Variants in XKR4 observed in about 807,000 individuals in gnomAD.
XKR4 encodes the protein XK related 4, also known as XK-related protein 4.
A neutral mutation model predicts 53.9 loss-of-function variants in XKR4; 12 were observed. The observed-to-expected ratio is 0.22, with a 90% CI of 0.14 to 0.36. XKR4 has a LOEUF of 0.36. XKR4 is among the 10% of genes least tolerant of loss of function. The pLI is 1.00. For synonymous variants in XKR4, 354 were observed against 362.4 expected (o/e 0.98, Z 0.26); for missense variants, 799 against 859.5 (o/e 0.93, Z 0.88).
chr8:55,487,851 T>A (rs1806217016), intron 2 of XKR4, among the ~76,000 whole-genome samples: 2 of 152,140 alleles, frequency 1.3e-5, no homozygotes, highest in African/African-American at 4.8e-5. Context: ...CTACACATTG[T>A]CTTAAAACAT....
chr8:55,134,952 T>G (rs1423135003), intron 1 of XKR4, among the ~76,000 whole-genome samples: 5 of 3,160 alleles, frequency 1.6e-3, no homozygotes, highest in Non-Finnish European at 2.7e-3. Flanking sequence ...AGAAGCTGGA[T>G]TTTTTTTTTT....
intron 2 of XKR4, among the ~76,000 whole-genome samples, chr8:55,518,462 C>T (rs1192286747): frequency 6.6e-6 from 1 of 152,062 alleles, no homozygotes; most frequent in African/African-American, 2.4e-5. Context: ...GAAAGATAAA[C>T]AAGTATTTAT....
chr8:55,373,886 C>A (rs1804110658), intron 2 of XKR4, among the ~76,000 whole-genome samples: 1 of 151,902 alleles, frequency 6.6e-6, no homozygotes, highest in Admixed American at 6.6e-5. Context: ...AGTTTGATAG[C>A]AAAGGGAGTG....
intron 1 of XKR4, among the ~76,000 whole-genome samples, chr8:55,186,980 A>C (rs1817387808): frequency 6.7e-6 from 1 of 149,632 alleles, no homozygotes; most frequent in Admixed American, 6.7e-5. Flanking sequence ...TAGTTGCGCT[A>C]TTTTTTTTTT....
intron 2 of XKR4, among the ~76,000 whole-genome samples, chr8:55,430,627 G>C (rs2129393494): frequency 6.6e-6 from 1 of 152,310 alleles, no homozygotes; most frequent in Non-Finnish European, 1.5e-5. Flanking sequence ...AGCTTTGTAA[G>C]AGGTCACTAT....
Position 55,294,156 on chromosome 8 carries a change from C to A in XKR4, c.807-63522C>A, listed in dbSNP as rs544166533. Among the ~76,000 whole-genome samples the A allele has an allele frequency of 3.9e-5, 6 of 152,276 alleles. No individual in the cohort carries two copies. In the South Asian group the frequency reaches 1.2e-3, roughly 32 times the overall value. ...GATTTTACAATTCTGATAATTGTCT[C>A]CTACCTCACGATTTGTTCATTTCTG... On this transcript the variant is annotated intron_variant, in intron 1 of 2. Coordinates refer to ENST00000327381, the MANE Select transcript of XKR4 (RefSeq NM_052898.2).
chr8:55,524,566 G>A lies in XKR4; in HGVS notation c.*339G>A, dbSNP rs1389806641. 4 of 276,744 alleles carry A rather than the reference G, an allele frequency of 1.4e-5. No homozygotes were observed. Among genetic ancestry groups the A allele is most frequent in the South Asian group, 7.1e-5 (1 of 13,996 alleles). 17.1% of individuals were successfully genotyped at this position (276,744 alleles called of 1,614,324 possible). A position where few individuals can be genotyped will look rare whatever the true frequency, so the allele number is the denominator to read the frequency against. ...CCAATCATTAGGGTGTCTTGATGGCGTTAACTGATCTTTCCATAAAAATAG... is the reference window on the plus strand; with the variant it reads ...CCAATCATTAGGGTGTCTTGATGGCATTAACTGATCTTTCCATAAAAATAG... On this transcript the variant is annotated 3_prime_UTR_variant, in exon 3 of 3. Coordinates refer to ENST00000327381, the MANE Select transcript of XKR4 (RefSeq NM_052898.2).
At chr8:55,267,985 T>G (rs145063604) in intron 1 of XKR4, among the ~76,000 whole-genome samples, 4 of 152,182 alleles carry the variant, frequency 2.6e-5, no homozygotes, top group Non-Finnish European at 4.4e-5. Flanking sequence ...AAGTTCTGGC[T>G]AAGGGATAAA....
intron 2 of XKR4, chr8:55,454,588 C>T (rs1228736795): frequency 1.2e-5 from 17 of 1,415,902 alleles, no homozygotes; most frequent in Non-Finnish European, 1.6e-5. Context: ...GATGACCTGC[C>T]GGTCACCAGC....
chr8:55,252,723 G>T (rs1818377852), intron 1 of XKR4, among the ~76,000 whole-genome samples: 1 of 152,114 alleles, frequency 6.6e-6, no homozygotes, highest in African/African-American at 2.4e-5. Context: ...AAGGTGTGTA[G>T]TTTACTGCTT....
At chr8:55,329,745 A>G (rs768896372) in intron 1 of XKR4, among the ~76,000 whole-genome samples, 1 of 152,296 alleles carries the variant, frequency 6.6e-6, no homozygotes, top group Non-Finnish European at 1.5e-5. Context: ...CACTCATGCA[A>G]ATAAATCCTA....
chr8:55,477,730 G>A lies in XKR4; in HGVS notation c.1007-45551G>A, dbSNP rs188268610. Among the ~76,000 whole-genome samples the A allele has an allele frequency of 1.7e-3, 260 of 152,214 alleles. 3 individuals carry two copies. The highest frequency in any genetic ancestry group is 6.1e-3 in the African/African-American group (255 of 41,498). On this transcript the variant is annotated intron_variant, in intron 2 of 2. Coordinates refer to ENST00000327381, the MANE Select transcript of XKR4 (RefSeq NM_052898.2). ...CTTAAAGGAGCTGATGGAGCTGAAAGCCAAGGCTCGAGAACTACGTGAAGA... is the reference window on the plus strand; with the variant it reads ...CTTAAAGGAGCTGATGGAGCTGAAAACCAAGGCTCGAGAACTACGTGAAGA...
chr8:55,163,049 T>C (rs1482931630), intron 1 of XKR4, among the ~76,000 whole-genome samples: 1 of 152,250 alleles, frequency 6.6e-6, no homozygotes, highest in Non-Finnish European at 1.5e-5. Flanking sequence ...ACATCATTTC[T>C]AGTCTTGGCC....
At chr8:55,214,097 A>T (rs1193892514) in intron 1 of XKR4, among the ~76,000 whole-genome samples, 1 of 152,032 alleles carries the variant, frequency 6.6e-6, no homozygotes, top group Non-Finnish European at 1.5e-5. Flanking sequence ...CCTGCCCTCT[A>T]GTGATTTGCC....
intron 2 of XKR4, among the ~76,000 whole-genome samples, chr8:55,518,293 A>G (rs1298486105): frequency 1.3e-5 from 2 of 152,212 alleles, no homozygotes; most frequent in Non-Finnish European, 2.9e-5. Flanking sequence ...GAGAGGAACA[A>G]TAAAGAACCA....
intron 2 of XKR4, among the ~76,000 whole-genome samples, chr8:55,514,154 G>A (rs1478198139): frequency 6.6e-6 from 1 of 151,908 alleles, no homozygotes; most frequent in Non-Finnish European, 1.5e-5. Context: ...TCTGTAAAAT[G>A]GACAAAAAAT....
chr8:55,220,821 T>C (rs1336453060), intron 1 of XKR4, among the ~76,000 whole-genome samples: 1 of 152,230 alleles, frequency 6.6e-6, no homozygotes, highest in Non-Finnish European at 1.5e-5. Context: ...TAATCTCCAT[T>C]TTAATCTTTA....
At chr8:55,333,931 G>C (rs765896422) in intron 1 of XKR4, among the ~76,000 whole-genome samples, 20 of 152,162 alleles carry the variant, frequency 1.3e-4, no homozygotes, top group Non-Finnish European at 2.9e-5. Flanking sequence ...TTAATGAGGA[G>C]ATTGGTTGCT....
intron 1 of XKR4, among the ~76,000 whole-genome samples, chr8:55,268,051 A>T (rs957707697): frequency 2.6e-5 from 4 of 152,234 alleles, no homozygotes; most frequent in African/African-American, 7.2e-5. Flanking sequence ...AAAGCTGTGC[A>T]GTTGGGCTCT....
Sources: allele counts gnomAD v4.1 joint callset (sites outside exome capture counted in the v4.1 genomes callset), GRCh38; gene constraint gnomAD v4.1.1; transcripts MANE v1.5; gene names NCBI Gene and HGNC (gene_info 2026-07-23, HGNC 2026-07-21).